Variants in SYT10 observed in about 807,000 individuals in gnomAD.
The protein encoded by SYT10 is synaptotagmin 10.
In SYT10, 31 loss-of-function variants were observed where a neutral mutation model predicts 51.1. The observed-to-expected ratio is 0.61, with a 90% CI of 0.46 to 0.82. The LOEUF is 0.82. Among genes scored for constraint, SYT10 ranks in the 40% least tolerant of loss-of-function variants. SYT10 has a pLI of 0.00. For missense variants in SYT10, 603 were observed against 634.0 expected (o/e 0.95, Z 0.53); for synonymous variants, 233 against 225.9 (o/e 1.03, Z -0.28).
chr12:33,382,838 G>A (rs1004413600), intron 4 of SYT10, among the ~76,000 whole-genome samples: 13 of 152,068 alleles, frequency 8.5e-5, no homozygotes, highest in African/African-American at 3.1e-4. Flanking sequence ...TACTGGAAAA[G>A]GACCTAAAAT....
At chr12:33,397,761 T>C (rs1473400951) in intron 3 of SYT10, among the ~76,000 whole-genome samples, 4 of 151,980 alleles carry the variant, frequency 2.6e-5, no homozygotes, top group South Asian at 4.2e-4. Flanking sequence ...GCCCCCTTCC[T>C]TGGGAGAAGT....
At chr12:33,418,385 T>C (rs1388281806) in intron 2 of SYT10, among the ~76,000 whole-genome samples, 8 of 152,172 alleles carry the variant, frequency 5.3e-5, no homozygotes, top group Non-Finnish European at 8.8e-5. Context: ...CTCTCAACTA[T>C]TTGATGATAT....
At position 33,426,222 on chromosome 12, in the gene SYT10, G is replaced by T; in HGVS notation, c.425C>A (p.Ala142Glu). The T allele has an allele frequency of 6.2e-7, 1 of 1,614,130 alleles. No homozygotes were observed. The highest frequency in any genetic ancestry group is 8.5e-7 in the Non-Finnish European group (1 of 1,180,032). Residue 142 changes from alanine to glutamate, a missense_variant, in exon 2 of 7, where the codon GCA (alanine) becomes GAA (glutamate). Physicochemically the swap from Ala to Glu is moderately radical, Grantham distance 107. Transcript: ENST00000228567. ...TTCTTTTAAAGCAGTTTGGACTTCT[G>T]CTGGGATGTCAGGGGAAGTGTGGCT... is the stretch of plus-strand genomic sequence containing the variant. ...KISHTSPDIP[A>E]EVQTALKEHL... is the part of the protein sequence containing the mutation.
At chr12:33,418,176 T>C (rs531179368) in intron 2 of SYT10, among the ~76,000 whole-genome samples, 31 of 152,210 alleles carry the variant, frequency 2.0e-4, no homozygotes, top group African/African-American at 6.3e-4. Context: ...CCATTCACAA[T>C]CCTCATCCCA....
At chr12:33,409,107 A>C (rs1189117083) in intron 2 of SYT10, among the ~76,000 whole-genome samples, 1 of 152,010 alleles carries the variant, frequency 6.6e-6, no homozygotes, top group Non-Finnish European at 1.5e-5. Flanking sequence ...ATTTCAAAAT[A>C]CTTTATTCAC....
At chr12:33,438,951 C>T (rs1160125559) in intron 1 of SYT10, among the ~76,000 whole-genome samples, 1 of 152,252 alleles carries the variant, frequency 6.6e-6, no homozygotes, top group African/African-American at 2.4e-5. Context: ...GGACCAGCGG[C>T]CGGTGGAACG....
chr12:33,439,550 T>C lies in SYT10; in HGVS notation c.-28A>G, dbSNP rs539680234. 3 of 1,608,738 alleles carry C rather than the reference T, an allele frequency of 1.9e-6. No homozygotes were observed. In the African/African-American group the frequency reaches 4.0e-5, roughly 21 times the overall value. ...TTTGGCTTTTCTTTCGTTTTCTCTT[T>C]TTTTCCCAGTTAGCCGTCTTTTCCT... is the stretch of plus-strand genomic sequence containing the variant. On this transcript the variant is annotated 5_prime_UTR_variant, in exon 1 of 7. Coordinates refer to ENST00000228567, the MANE Select transcript of SYT10 (RefSeq NM_198992.4).
chr12:33,389,560 A>G (rs1866186758), intron 3 of SYT10, among the ~76,000 whole-genome samples: 1 of 152,154 alleles, frequency 6.6e-6, no homozygotes, highest in African/African-American at 2.4e-5. Context: ...CATTGAAGTA[A>G]AGTTGGTGTG....
intron 4 of SYT10, 35 bp from the exon 5 acceptor site, chr12:33,382,555 G>T (rs1462272819): frequency 6.5e-7 from 1 of 1,542,808 alleles, no homozygotes; most frequent in Non-Finnish European, 8.7e-7. Context: ...TAAAATAAAA[G>T]TAATAGTACA....
intron 1 of SYT10, among the ~76,000 whole-genome samples, chr12:33,429,382 A>G (rs1866579503): frequency 6.6e-6 from 1 of 152,242 alleles, no homozygotes; most frequent in Non-Finnish European, 1.5e-5. Context: ...AGAGCATGAG[A>G]AAAGTTTGAA....
At position 33,376,662 on chromosome 12, in the gene SYT10, T is replaced by C. The variant is rs1460776891; in HGVS notation, c.*168A>G. Reference sequence around the variant, plus strand: ...TATGTATTCAAGTAAAATGTATTGATGTTCAAAGTTAAAAAATCAACAATA... The same window carrying C: ...TATGTATTCAAGTAAAATGTATTGACGTTCAAAGTTAAAAAATCAACAATA... On this transcript the variant is annotated 3_prime_UTR_variant, in exon 7 of 7. Transcript: ENST00000228567. The C allele has an allele frequency of 2.9e-6, 2 of 699,260 alleles. No individual in the cohort carries two copies. The highest frequency in any genetic ancestry group is 4.7e-6 in the Non-Finnish European group (2 of 425,250). 43.3% of individuals were successfully genotyped at this position (699,260 alleles called of 1,614,324 possible).
chr12:33,399,544 C>T (rs929359620), intron 3 of SYT10, among the ~76,000 whole-genome samples: 1 of 152,166 alleles, frequency 6.6e-6, no homozygotes, highest in African/African-American at 2.4e-5. Context: ...GATCAGACAA[C>T]AAAACCTTGT....
intron 2 of SYT10, among the ~76,000 whole-genome samples, chr12:33,414,934 C>T (rs1866440082): frequency 6.6e-6 from 1 of 152,136 alleles, no homozygotes; most frequent in Non-Finnish European, 1.5e-5. Context: ...AGATCCTTTC[C>T]TTCCAATAAA....
At chr12:33,408,188 T>C (rs1866375861) in intron 2 of SYT10, 2 of 152,190 alleles carry the variant, frequency 1.3e-5, no homozygotes, top group South Asian at 4.1e-4. Context: ...GGTCCACATT[T>C]TCTTATAATG....
At chr12:33,400,979 A>G (rs1270986470) in intron 3 of SYT10, among the ~76,000 whole-genome samples, 1 of 151,298 alleles carries the variant, frequency 6.6e-6, no homozygotes, top group Non-Finnish European at 1.5e-5. Context: ...GTGAGCCGAG[A>G]CCACACCACT....
Position 33,407,211 on chromosome 12 carries a change from C to A in SYT10, c.655G>T (p.Val219Phe). The change falls in exon 3 of 7, where the codon GTT (valine) becomes TTT (phenylalanine). Residue 219 changes from valine (V) to phenylalanine (F), a missense_variant. Coordinates refer to ENST00000228567, the MANE Select transcript of SYT10 (RefSeq NM_198992.4). The stretch of plus-strand genomic sequence containing the variant: ...TCGTTTTGGTTGCCCTCAGAGTCAA[C>A]TGATTTCTGTTTGTAGAGTTCTGGC... The part of the protein sequence containing the change: ...IKPELYKQKS[V>F]DSEGNQNEDV... 6.2e-7 allele frequency: 1 copy of A among 1,614,148 alleles called. No homozygotes were observed. Among genetic ancestry groups the A allele is most frequent in the Non-Finnish European group, 8.5e-7 (1 of 1,180,034 alleles).
At chr12:33,414,661 C>T (rs1433551128) in intron 2 of SYT10, among the ~76,000 whole-genome samples, 1 of 152,186 alleles carries the variant, frequency 6.6e-6, no homozygotes, top group South Asian at 2.1e-4. Context: ...ACCAGAATCT[C>T]TGGGACACAT....
At chr12:33,397,015 C>T (rs1416496768) in intron 3 of SYT10, among the ~76,000 whole-genome samples, 1 of 152,190 alleles carries the variant, frequency 6.6e-6, no homozygotes, top group Admixed American at 6.5e-5. Context: ...GATCACGGCT[C>T]TTTCTAACTT....
At chr12:33,382,588 TA>T in intron 4 of SYT10, 68 bp from the exon 5 acceptor site, 1 of 1,416,996 alleles carries the variant, frequency 7.1e-7, no homozygotes, top group Non-Finnish European at 9.4e-7. Context: ...AACTGCAGTT[TA>T]TTTTTACTAA....
Sources: allele counts gnomAD v4.1 joint callset (sites outside exome capture counted in the v4.1 genomes callset), GRCh38; gene constraint gnomAD v4.1.1; transcripts MANE v1.5; gene names NCBI Gene and HGNC (gene_info 2026-07-23, HGNC 2026-07-21).